PPM1H: variants seen among roughly 807,000 people sequenced by gnomAD.
PPM1H encodes protein phosphatase, Mg2+/Mn2+ dependent 1H, also known as protein phosphatase 1H.
Under a neutral mutation model 54.9 loss-of-function variants are expected in PPM1H, and 27 were observed. That is an observed-to-expected ratio of 0.49 (90% CI 0.36 to 0.68). The LOEUF is 0.68. Ranked by LOEUF, PPM1H falls within the 30% of genes least tolerant of loss-of-function variation. The pLI, the probability that PPM1H is intolerant of heterozygous loss-of-function variation, is 0.00. For missense variants in PPM1H, 596 were observed against 667.8 expected (o/e 0.89, Z 1.19); for synonymous variants, 305 against 270.8 (o/e 1.13, Z -1.24).
At chr12:62,659,175 A>G (rs934214385) in intron 9 of PPM1H, 4 of 720,012 alleles carry the variant, frequency 5.6e-6, no homozygotes, top group South Asian at 2.7e-5. Context: ...CCAGCTGGCC[A>G]TCAGAGTCAC....
chr12:62,929,977 G>A (rs760433397), intron 1 of PPM1H, among the ~76,000 whole-genome samples: 1 of 152,092 alleles, frequency 6.6e-6, no homozygotes, highest in African/African-American at 2.4e-5. Context: ...AGAGGTATCA[G>A]TCAGTAAGAG....
At chr12:62,730,071 C>T (rs980273710) in intron 5 of PPM1H, among the ~76,000 whole-genome samples, 13 of 152,250 alleles carry the variant, frequency 8.5e-5, no homozygotes, top group African/African-American at 2.6e-4. Context: ...CCACTCTGCC[C>T]GCCAGAGAAC....
chr12:62,833,913 T>C (rs1473471058), intron 1 of PPM1H, among the ~76,000 whole-genome samples: 2 of 152,308 alleles, frequency 1.3e-5, no homozygotes, highest in East Asian at 3.9e-4. Flanking sequence ...AGGAGAATTT[T>C]TTTTTTAACT....
chr12:62,770,495 C>A (rs946821982), intron 4 of PPM1H, among the ~76,000 whole-genome samples: 1 of 152,098 alleles, frequency 6.6e-6, no homozygotes, highest in East Asian at 1.9e-4. Flanking sequence ...ACATACTGGG[C>A]CTCTGTTGTA....
At chr12:62,816,960 A>G (rs924435438) in intron 2 of PPM1H, among the ~76,000 whole-genome samples, 9 of 151,732 alleles carry the variant, frequency 5.9e-5, no homozygotes, top group Admixed American at 5.9e-4. Flanking sequence ...CCTGGTCTTC[A>G]GAGTAATCCA....
intron 5 of PPM1H, 91 bp downstream of exon 5, chr12:62,737,411 G>T (rs1216286283): frequency 1.1e-5 from 9 of 807,286 alleles, no homozygotes; most frequent in African/African-American, 1.8e-5. Context: ...CGGTGAGCCT[G>T]CTCCCATGTC....
intron 4 of PPM1H, among the ~76,000 whole-genome samples, chr12:62,787,419 C>T (rs535457475): frequency 3.3e-5 from 5 of 152,292 alleles, no homozygotes; most frequent in South Asian, 4.1e-4. Flanking sequence ...CAGCATATTT[C>T]GTTATGAAAG....
At chr12:62,838,335 GTGT>G (rs386763637) in intron 1 of PPM1H, among the ~76,000 whole-genome samples, 2,038 of 116,390 alleles carry the variant, frequency 0.018, 72 homozygotes, top group African/African-American at 0.073. Flanking sequence ...GTGTGTGTGT[GTGT>G]GGGGGGGGGG....
chr12:62,709,084 T>TG (rs1197984016), intron 6 of PPM1H, among the ~76,000 whole-genome samples: 3 of 152,078 alleles, frequency 2.0e-5, no homozygotes, highest in Non-Finnish European at 4.4e-5. Context: ...CCTAGTTTCA[T>TG]GGTTTGCTTC....
At chr12:62,834,709 T>C (rs533753572) in intron 1 of PPM1H, among the ~76,000 whole-genome samples, 6 of 152,098 alleles carry the variant, frequency 3.9e-5, no homozygotes, top group African/African-American at 1.4e-4. Flanking sequence ...GCCAAGTCAC[T>C]GGGGGGGCCT....
intron 1 of PPM1H, among the ~76,000 whole-genome samples, chr12:62,834,812 T>A (rs1868453015): frequency 6.6e-6 from 1 of 152,002 alleles, no homozygotes; most frequent in African/African-American, 2.4e-5. Context: ...AGGAAGGAGG[T>A]CCAAAATACC....
At chr12:62,691,644 T>C (rs2076083299) in intron 7 of PPM1H, among the ~76,000 whole-genome samples, 1 of 151,922 alleles carries the variant, frequency 6.6e-6, no homozygotes, top group African/African-American at 2.4e-5. Flanking sequence ...GGCAATGTGG[T>C]AAAACCTCCT....
At chr12:62,766,110 C>CAGCTGGTG (rs2076541873) in intron 4 of PPM1H, among the ~76,000 whole-genome samples, 1 of 152,044 alleles carries the variant, frequency 6.6e-6, no homozygotes, top group South Asian at 2.1e-4. Flanking sequence ...ACAAAATATG[C>CAGCTGGTG]AGCTGGTGAT....
intron 9 of PPM1H, among the ~76,000 whole-genome samples, chr12:62,660,527 G>A (rs963341412): frequency 2.0e-5 from 3 of 152,066 alleles, no homozygotes; most frequent in African/African-American, 7.2e-5. Context: ...GAACCTGGAA[G>A]TAAATCCATG....
At chr12:62,803,109 C>T (rs2076781704) in intron 2 of PPM1H, among the ~76,000 whole-genome samples, 1 of 152,176 alleles carries the variant, frequency 6.6e-6, no homozygotes, top group African/African-American at 2.4e-5. Flanking sequence ...GCCCAGGCCT[C>T]ACAAGATGCA....
chr12:62,840,410 G>C (rs540057040), intron 1 of PPM1H, among the ~76,000 whole-genome samples: 28 of 152,176 alleles, frequency 1.8e-4, no homozygotes, highest in Admixed American at 2.0e-4. Context: ...TGCATTGGGA[G>C]GGGAGGGATG....
intron 1 of PPM1H, among the ~76,000 whole-genome samples, chr12:62,899,225 C>T (rs1180504134): frequency 6.6e-6 from 1 of 151,850 alleles, no homozygotes; most frequent in African/African-American, 2.4e-5. Flanking sequence ...ATCTGACAGC[C>T]TGGGGAAAGA....
intron 6 of PPM1H, among the ~76,000 whole-genome samples, chr12:62,696,174 C>T (rs1401981087): frequency 6.6e-6 from 1 of 152,202 alleles, no homozygotes; most frequent in African/African-American, 2.4e-5. Flanking sequence ...GAAAACTGCT[C>T]TATCACAAGC....
chr12:62,692,402 T>C (rs991425964), intron 7 of PPM1H, among the ~76,000 whole-genome samples: 1 of 152,248 alleles, frequency 6.6e-6, no homozygotes, highest in African/African-American at 2.4e-5. Flanking sequence ...CTTCAAATCT[T>C]ACTGCTATAA....
Sources: allele counts gnomAD v4.1 joint callset (sites outside exome capture counted in the v4.1 genomes callset), GRCh38; gene constraint gnomAD v4.1.1; transcripts MANE v1.5; gene names NCBI Gene and HGNC (gene_info 2026-07-23, HGNC 2026-07-21).